Variants in ARID4B observed in about 807,000 individuals in gnomAD.
ARID4B encodes the protein AT-rich interactive domain-containing protein 4B.
In ARID4B, 26 loss-of-function variants were observed where a neutral mutation model predicts 147.5. That is an observed-to-expected ratio of 0.18 (90% CI 0.13 to 0.24). The LOEUF is 0.24. Among genes scored for constraint, ARID4B ranks in the 10% least tolerant of loss-of-function variants. ARID4B has a pLI of 1.00. For synonymous variants in ARID4B, 512 were observed against 507.9 expected (o/e 1.01, Z -0.11); for missense variants, 1,179 against 1,511.5 (o/e 0.78, Z 3.65).
At chr1:235,236,500 GT>G (rs1440964865) in intron 8 of ARID4B, among the ~76,000 whole-genome samples, 3 of 40,572 alleles carry the variant, frequency 7.4e-5, no homozygotes, top group African/African-American at 3.0e-4. Flanking sequence ...AGTTGTGTGT[GT>G]GTGTGTGTGT....
At chr1:235,230,855 A>G (rs7517851) in intron 10 of ARID4B, among the ~76,000 whole-genome samples, 19,963 of 151,216 alleles carry the variant, frequency 0.13, 1,536 homozygotes, top group African/African-American at 0.2. Flanking sequence ...CCCAGGAGGC[A>G]GAGGTTGCAG....
In ARID4B at chr1:235,210,273, C is replaced by A. The variant is rs186758578; in HGVS notation, c.1841+3496G>T. Among the ~76,000 whole-genome samples, 168 of 151,948 alleles carry A rather than the reference C, an allele frequency of 1.1e-3. No individual in the cohort carries two copies. The Middle Eastern group carries it at 0.031, about 28-fold the overall frequency. On this transcript the variant is annotated intron_variant, in intron 17 of 23. Transcript: ENST00000264183. Reference sequence around the variant, plus strand: ...AAATACTTGTTTCAGATTAAAAAAACCATGGAAATAGGTCCACACAAATCT... The same window carrying A: ...AAATACTTGTTTCAGATTAAAAAAAACATGGAAATAGGTCCACACAAATCT...
At chr1:235,187,077 C>CTTTTTT in intron 19 of ARID4B, 10 of 266,882 alleles carry the variant, frequency 3.7e-5, no homozygotes, top group East Asian at 1.4e-4. Context: ...GCATCTTATT[C>CTTTTTT]TTTTTTTTTT....
chr1:235,233,477 C>T (rs1668366929), intron 9 of ARID4B, among the ~76,000 whole-genome samples: 1 of 151,966 alleles, frequency 6.6e-6, no homozygotes, highest in African/African-American at 2.4e-5. Context: ...AATAAAAATA[C>T]CTTTCCCGAA....
chr1:235,304,108 G>C (rs1400712073), intron 2 of ARID4B, among the ~76,000 whole-genome samples: 1 of 152,206 alleles, frequency 6.6e-6, no homozygotes, highest in African/African-American at 2.4e-5. Flanking sequence ...TATTATCACA[G>C]CACTTTGGAA....
At chr1:235,295,680 G>A (rs1672648050) in intron 2 of ARID4B, among the ~76,000 whole-genome samples, 2 of 149,726 alleles carry the variant, frequency 1.3e-5, no homozygotes, top group Admixed American at 6.6e-5. Context: ...CATGGTGGAG[G>A]GTGCCTATAA....
chr1:235,248,684 A>C (rs1290362174), intron 6 of ARID4B, among the ~76,000 whole-genome samples: 3 of 152,216 alleles, frequency 2.0e-5, no homozygotes, highest in East Asian at 3.9e-4. Flanking sequence ...TTGTTTAAGA[A>C]TCACACATAG....
At chr1:235,298,019 T>G (rs962250003) in intron 2 of ARID4B, among the ~76,000 whole-genome samples, 4 of 152,116 alleles carry the variant, frequency 2.6e-5, no homozygotes, top group Non-Finnish European at 4.4e-5. Context: ...GGAATTAATG[T>G]TAATGTTATT....
At chr1:235,241,982 G>A (rs1227078189) in intron 7 of ARID4B, among the ~76,000 whole-genome samples, 2 of 151,526 alleles carry the variant, frequency 1.3e-5, no homozygotes, top group Admixed American at 6.6e-5. Flanking sequence ...ACTTTGGCTG[G>A]AAGTATTGTA....
chr1:235,262,853 C>T lies in ARID4B; in HGVS notation c.7-2101G>A, dbSNP rs1160432061. ...AAGGATGGGAATATAATGTACAGCA[C>T]AAGTGATAATGAATGTGTTTGTTAA... On this transcript the variant is annotated intron_variant, in intron 2 of 23. Coordinates refer to ENST00000264183, the MANE Select transcript of ARID4B (RefSeq NM_016374.6). Among the ~76,000 whole-genome samples, 4 of 152,078 alleles carry T rather than the reference C, an allele frequency of 2.6e-5. No homozygotes were observed. The East Asian group carries it at 5.8e-4, about 22-fold the overall frequency.
At chr1:235,249,311 C>A (rs1006765998) in intron 6 of ARID4B, among the ~76,000 whole-genome samples, 6 of 151,870 alleles carry the variant, frequency 4.0e-5, no homozygotes, top group Admixed American at 2.0e-4. Context: ...CCAGTCTGGG[C>A]GACAGAGCAA....
At chr1:235,255,289 A>C (rs55947132) in intron 5 of ARID4B, among the ~76,000 whole-genome samples, 10,489 of 101,876 alleles carry the variant, frequency 0.1, 538 homozygotes, top group Non-Finnish European at 0.13. Flanking sequence ...CTCTCTCTCT[A>C]TATATATATA....
chr1:235,263,937 T>C (rs553081742), intron 2 of ARID4B, among the ~76,000 whole-genome samples: 78 of 151,692 alleles, frequency 5.1e-4, no homozygotes, highest in African/African-American at 1.7e-3. Context: ...GGGCTTGCAG[T>C]GAGCCAAGAT....
chr1:235,293,055 A>T (rs1019285665), intron 2 of ARID4B, among the ~76,000 whole-genome samples: 1 of 152,122 alleles, frequency 6.6e-6, no homozygotes, highest in African/African-American at 2.4e-5. Context: ...CAAATCTAAG[A>T]TCCACAAAAA....
At chr1:235,222,138 C>T (rs544077660) in intron 13 of ARID4B, among the ~76,000 whole-genome samples, 2 of 151,902 alleles carry the variant, frequency 1.3e-5, no homozygotes, top group Non-Finnish European at 2.9e-5. Flanking sequence ...TCTCAAAGTC[C>T]TGGGCTCCAG....
At chr1:235,269,032 G>C (rs1349025332) in intron 2 of ARID4B, among the ~76,000 whole-genome samples, 2 of 152,084 alleles carry the variant, frequency 1.3e-5, no homozygotes, top group Admixed American at 1.3e-4. Flanking sequence ...TATCTCCTTA[G>C]GGATATATAT....
chr1:235,222,414 G>A (rs902061779), intron 13 of ARID4B, among the ~76,000 whole-genome samples: 1 of 152,004 alleles, frequency 6.6e-6, no homozygotes, highest in African/African-American at 2.4e-5. Flanking sequence ...GATAAGTATC[G>A]TACATCACGT....
chr1:235,231,784 G>A (rs931981245), intron 9 of ARID4B, among the ~76,000 whole-genome samples: 9 of 152,052 alleles, frequency 5.9e-5, no homozygotes, highest in African/African-American at 2.2e-4. Flanking sequence ...CACCACACCC[G>A]GCCAAAAACG....
At chr1:235,240,273 A>G (rs372717384) in intron 8 of ARID4B, 40 bp downstream of exon 8, 24 of 1,543,214 alleles carry the variant, frequency 1.6e-5, no homozygotes, top group African/African-American at 8.3e-5. Flanking sequence ...ATAAACTTAT[A>G]AAGTTTGAAA....
Sources: gnomAD v4.1 joint callset for allele counts (sites outside exome capture counted in the v4.1 genomes callset) on GRCh38, gnomAD v4.1.1 for gene constraint, MANE v1.5 for transcripts, NCBI Gene and HGNC (gene_info 2026-07-23, HGNC 2026-07-21) for gene names.